The following VOPP1 variants were observed in gnomAD, a reference collection of about 807,000 sequenced individuals.
The protein encoded by VOPP1 is VOPP1 WW domain binding protein, also known as WW domain binding protein VOPP1.
In VOPP1, 8 loss-of-function variants were observed where a neutral mutation model predicts 23.5. The ratio of observed to expected loss-of-function variants is 0.34; its 90% confidence interval spans 0.20 to 0.61. The LOEUF is 0.61. Ranked by LOEUF, VOPP1 falls within the 20% of genes least tolerant of loss-of-function variation. VOPP1 has a pLI of 0.78. For synonymous variants in VOPP1, 83 were observed against 97.3 expected (o/e 0.85, Z 0.86); for missense variants, 174 against 238.1 (o/e 0.73, Z 1.77).
chr7:55,478,455 G>A (rs1457630674), intron 4 of VOPP1, among the ~76,000 whole-genome samples: 1 of 152,180 alleles, frequency 6.6e-6, no homozygotes, highest in East Asian at 1.9e-4. Flanking sequence ...GCCAAAAAAG[G>A]GGGCTTTGCA....
chr7:55,511,994 A>G (rs995044247), intron 2 of VOPP1, among the ~76,000 whole-genome samples: 2 of 152,226 alleles, frequency 1.3e-5, no homozygotes, highest in Non-Finnish European at 1.5e-5. Flanking sequence ...ATAGTTAAAC[A>G]AAACAAAAAC....
intron 1 of VOPP1, among the ~76,000 whole-genome samples, chr7:55,556,453 G>C (rs1014283095): frequency 6.6e-6 from 1 of 152,048 alleles, no homozygotes; most frequent in Non-Finnish European, 1.5e-5. Context: ...TAACATGATG[G>C]AGTTTCTCAG....
chr7:55,446,392 G>C (rs995243647), intron 4 of VOPP1, among the ~76,000 whole-genome samples: 1 of 152,162 alleles, frequency 6.6e-6, no homozygotes. Context: ...TGTGCCCTGA[G>C]GGACTACTGT....
At chr7:55,552,953 T>TAA in intron 1 of VOPP1, 1 of 665,948 alleles carries the variant, frequency 1.5e-6, no homozygotes, top group Non-Finnish European at 2.2e-6. Flanking sequence ...TAAGGCGCTG[T>TAA]AGGAAAAGAC....
At chr7:55,436,062 A>T (rs796631501) in exon 5 of VOPP1, 14 of 152,490 alleles carry the variant, frequency 9.2e-5, no homozygotes, top group African/African-American at 2.6e-4. Flanking sequence ...CCTCTTCCAG[A>T]TAACAGCAGG....
intron 2 of VOPP1, among the ~76,000 whole-genome samples, chr7:55,504,427 A>G (rs1166848575): frequency 6.6e-6 from 1 of 152,262 alleles, no homozygotes; most frequent in African/African-American, 2.4e-5. Context: ...AGAAAACTCC[A>G]AAGGATACAT....
chr7:55,560,653 A>C (rs992763738), intron 1 of VOPP1, among the ~76,000 whole-genome samples: 2 of 152,150 alleles, frequency 1.3e-5, no homozygotes, highest in African/African-American at 4.8e-5. Flanking sequence ...AAGATAATAA[A>C]TCTGGATCGG....
chr7:55,523,263 T>G (rs1403648936), intron 1 of VOPP1, among the ~76,000 whole-genome samples: 1 of 152,188 alleles, frequency 6.6e-6, no homozygotes, highest in Admixed American at 6.5e-5. Flanking sequence ...TATGCCATCC[T>G]TGATGCAAAA....
At chr7:55,462,824 T>G (rs1473184242) in intron 4 of VOPP1, among the ~76,000 whole-genome samples, 1 of 151,340 alleles carries the variant, frequency 6.6e-6, no homozygotes, top group Non-Finnish European at 1.5e-5. Flanking sequence ...CCCAGCTAAT[T>G]TTTTTGTATT....
At chr7:55,492,208 C>T in intron 4 of VOPP1, 74 bp downstream of exon 4, 2 of 1,511,394 alleles carry the variant, frequency 1.3e-6, no homozygotes, top group South Asian at 2.6e-5. Context: ...ACCCTTTCTG[C>T]AGCAGTACCC....
At chr7:55,473,092 C>T in intron 4 of VOPP1, 47 bp from the exon 5 acceptor site, 2 of 1,569,252 alleles carry the variant, frequency 1.3e-6, no homozygotes, top group Non-Finnish European at 8.6e-7. Flanking sequence ...AAAGCCCCAT[C>T]ACACCGCAAG....
At chr7:55,563,841 C>T (rs550351598) in intron 1 of VOPP1, among the ~76,000 whole-genome samples, 31 of 152,094 alleles carry the variant, frequency 2.0e-4, no homozygotes, top group Non-Finnish European at 3.5e-4. Flanking sequence ...GTATGTTCCA[C>T]TTAAAATTAT....
chr7:55,527,784 A>T (rs949911770), intron 1 of VOPP1, among the ~76,000 whole-genome samples: 2 of 152,246 alleles, frequency 1.3e-5, no homozygotes, highest in Non-Finnish European at 2.9e-5. Flanking sequence ...ATAAAGTGAT[A>T]GATATGAGAA....
chr7:55,528,833 G>C (rs1336364423), intron 1 of VOPP1, among the ~76,000 whole-genome samples: 1 of 152,110 alleles, frequency 6.6e-6, no homozygotes, highest in East Asian at 1.9e-4. Context: ...TACAGAGTCA[G>C]CAATTAAAGC....
At chr7:55,516,469 T>C (rs963591021) in intron 2 of VOPP1, among the ~76,000 whole-genome samples, 1 of 152,206 alleles carries the variant, frequency 6.6e-6, no homozygotes, top group African/African-American at 2.4e-5. Flanking sequence ...TAATTTTGTA[T>C]GTCTAGGTAG....
chr7:55,524,507 G>A (rs1036775591), intron 1 of VOPP1, among the ~76,000 whole-genome samples: 7 of 152,264 alleles, frequency 4.6e-5, no homozygotes, highest in Middle Eastern at 3.4e-3. Context: ...TGCCAACATC[G>A]TAATACTACA....
chr7:55,495,213 GCTTT>G (rs1793869476), intron 3 of VOPP1, among the ~76,000 whole-genome samples: 1 of 152,110 alleles, frequency 6.6e-6, no homozygotes, highest in South Asian at 2.1e-4. Context: ...GGCCCACTGT[GCTTT>G]CTGAGTCCAC....
chr7:55,497,639 G>T lies in VOPP1; in HGVS notation c.165C>A (p.Leu55=), dbSNP rs373731224. 6.2e-7 allele frequency: 1 copy of T among 1,613,602 alleles called. No homozygotes were observed. Among genetic ancestry groups the T allele is most frequent in the Non-Finnish European group, 8.5e-7 (1 of 1,179,802 alleles). ...CCGSRCCVRA[L]SIQRLWYFWF... ...AGAAGTACCACAGCCTCTGTATGGA[G>T]AGGGCCCGCACACAGCACCTGGAGC... The change falls in exon 3 of 5, where the codon CTC becomes CTA. Residue 55 remains leucine, a synonymous_variant. Transcript: ENST00000285279.
downstream of VOPP1, among the ~76,000 whole-genome samples, chr7:55,466,452 G>A (rs1791633853): frequency 6.6e-6 from 1 of 152,130 alleles, no homozygotes; most frequent in East Asian, 1.9e-4. Context: ...TAAATAGCAC[G>A]CAGATCCTCT....
Sources: gnomAD v4.1 joint callset for allele counts (sites outside exome capture counted in the v4.1 genomes callset) on GRCh38, gnomAD v4.1.1 for gene constraint, MANE v1.5 for transcripts, NCBI Gene and HGNC (gene_info 2026-07-23, HGNC 2026-07-21) for gene names.